GSK3B: variants seen among roughly 807,000 people sequenced by gnomAD.
GSK3B encodes glycogen synthase kinase-3 beta.
A neutral mutation model predicts 56.4 loss-of-function variants in GSK3B; 15 were observed. That is an observed-to-expected ratio of 0.27 (90% confidence interval 0.18 to 0.41). The LOEUF is 0.41. GSK3B is among the 10% of genes least tolerant of loss of function. The pLI is 1.00. For synonymous variants in GSK3B, 181 were observed against 188.9 expected, an observed-to-expected ratio of 0.96 and a Z score of 0.34; for missense variants, 300 against 513.4, an observed-to-expected ratio of 0.58 and a Z score of 4.02.
chr3:120,082,385 CT>C (rs1173737285), intron 1 of GSK3B, among the ~76,000 whole-genome samples: 164 of 66,368 alleles, frequency 2.5e-3, no homozygotes, highest in Non-Finnish European at 3.1e-3. Context: ...TTAGTATGTT[CT>C]TTTTTTTTTT....
intron 1 of GSK3B, among the ~76,000 whole-genome samples, chr3:120,087,408 T>C (rs1273842235): frequency 1.3e-5 from 2 of 152,056 alleles, no homozygotes. Context: ...GGCAGGCACC[T>C]GTAATCCCAA....
At chr3:119,868,883 A>T (rs1457747500) in intron 8 of GSK3B, among the ~76,000 whole-genome samples, 1 of 152,164 alleles carries the variant, frequency 6.6e-6, no homozygotes, top group Non-Finnish European at 1.5e-5. Context: ...ATTATATGCA[A>T]TTTGTAAACC....
At chr3:119,842,416 T>A (rs933538085) in intron 10 of GSK3B, among the ~76,000 whole-genome samples, 3 of 152,216 alleles carry the variant, frequency 2.0e-5, no homozygotes, top group Non-Finnish European at 4.4e-5. Flanking sequence ...ATTAAAAAAA[T>A]GATTAAATAT....
At chr3:119,914,518 C>A (rs538259577) in intron 5 of GSK3B, among the ~76,000 whole-genome samples, 1 of 152,054 alleles carries the variant, frequency 6.6e-6, no homozygotes, top group East Asian at 1.9e-4. Flanking sequence ...GTGAAGACAC[C>A]CCATTAACAA....
At chr3:119,843,921 G>T (rs1228431969) in intron 9 of GSK3B, among the ~76,000 whole-genome samples, 3 of 152,024 alleles carry the variant, frequency 2.0e-5, no homozygotes, top group African/African-American at 7.2e-5. Flanking sequence ...CACATAATTG[G>T]AAGTAAAACA....
intron 1 of GSK3B, among the ~76,000 whole-genome samples, chr3:120,044,559 G>A (rs187662790): frequency 1.1e-4 from 16 of 152,120 alleles, no homozygotes; most frequent in Admixed American, 6.5e-4. Context: ...TTATTTAGAC[G>A]CAATTGGAAT....
intron 1 of GSK3B, among the ~76,000 whole-genome samples, chr3:120,058,691 CAGGATTATTATGAGG>C (rs1261989981): frequency 6.6e-6 from 1 of 152,054 alleles, no homozygotes; most frequent in Non-Finnish European, 1.5e-5. Context: ...GCTTCTCCCT[CAGGATTATTATGAGG>C]ACTGTGTCAA....
intron 7 of GSK3B, among the ~76,000 whole-genome samples, chr3:119,898,356 G>T (rs2056591018): frequency 6.6e-6 from 1 of 152,082 alleles, no homozygotes; most frequent in Admixed American, 6.6e-5. Flanking sequence ...GCAAAGCAAA[G>T]GAATTGTGGG....
chr3:119,909,716 AG>A (rs2056717126), intron 6 of GSK3B, among the ~76,000 whole-genome samples: 1 of 152,246 alleles, frequency 6.6e-6, no homozygotes, highest in Non-Finnish European at 1.5e-5. Flanking sequence ...AGACTTGAGA[AG>A]GTCAATGATG....
chr3:120,057,120 G>T (rs2058197719), intron 1 of GSK3B, among the ~76,000 whole-genome samples: 1 of 152,076 alleles, frequency 6.6e-6, no homozygotes, highest in Non-Finnish European at 1.5e-5. Flanking sequence ...ACTCCCGCCT[G>T]GGCAACAGAG....
rs67194724 is a variant in GSK3B, at chr3:119,869,223, CAAAAAAA to C, written c.910-5625_910-5619del. ...TGGGCAACAGATCAAGATTCCATCT[CAAAAAAA>C]AAAAAAAAAAAAAAAACATATATTC... On this transcript the variant is annotated intron_variant, in intron 8 of 10. Transcript: ENST00000264235. 2.3e-3 allele frequency among the ~76,000 whole-genome samples: 126 copies of C among 54,846 alleles called. 1 individual carries two copies. The East Asian group carries it at 0.029, about 13-fold the overall frequency. The allele number at this position is 54,846 out of a possible 152,430, so 36.0% of individuals were successfully genotyped here.
chr3:120,085,242 A>G (rs2058454104), intron 1 of GSK3B, among the ~76,000 whole-genome samples: 1 of 152,238 alleles, frequency 6.6e-6, no homozygotes, highest in African/African-American at 2.4e-5. Context: ...TATGATATAC[A>G]GTACGTTGCT....
chr3:119,926,354 ACC>A lies in GSK3B; in HGVS notation c.367-2873_367-2872del, dbSNP rs975794952. Among the ~76,000 whole-genome samples the A allele has an allele frequency of 9.5e-3, 1,332 of 140,910 alleles. 18 individuals are homozygous for A. The highest frequency in any genetic ancestry group is 0.036 in the African/African-American group (1,239 of 34,472). 92.4% of individuals were successfully genotyped at this position (140,910 alleles called of 152,430 possible). A position where few individuals can be genotyped will look rare whatever the true frequency, so the allele number is the denominator to read the frequency against. On this transcript the variant is annotated intron_variant, in intron 3 of 10. Coordinates refer to ENST00000264235, the MANE Select transcript of GSK3B (RefSeq NM_001146156.2). Reference sequence around the variant, plus strand: ...CACACACACACACACACACACACACACCCCTATACCCACACATACACCCTCAT... The same window carrying A: ...CACACACACACACACACACACACACACCTATACCCACACATACACCCTCAT...
intron 1 of GSK3B, among the ~76,000 whole-genome samples, chr3:120,068,697 C>T (rs1169971889): frequency 6.6e-6 from 1 of 151,250 alleles, no homozygotes; most frequent in African/African-American, 2.4e-5. Flanking sequence ...GAGGCCCTGT[C>T]TCAAAAAATA....
At position 119,826,946 on chromosome 3, in the gene GSK3B, T is replaced by C. The variant is rs191874146; in HGVS notation, c.1196-91A>G. 1.6e-5 allele frequency: 12 copies of C among 764,078 alleles called. No individual in the cohort carries two copies. The East Asian group carries it at 3.0e-4, about 19-fold the overall frequency. The allele number at this position is 764,078 out of a possible 1,614,324, so 47.3% of individuals were successfully genotyped here. ...ACTGTTTCAACTGCAGGCTGTGAAC[T>C]GTATGGCCTTCCAAGCTGTTATTTG... On this transcript the variant is annotated intron_variant, in intron 10 of 10. Transcript: ENST00000264235.
At chr3:119,897,850 T>C (rs987734322) in intron 7 of GSK3B, among the ~76,000 whole-genome samples, 5 of 150,806 alleles carry the variant, frequency 3.3e-5, no homozygotes, top group African/African-American at 1.2e-4. Flanking sequence ...ATGAAAATGT[T>C]AAGTCAGGAA....
At chr3:119,834,404 T>TAA (rs1003370934) in intron 10 of GSK3B, among the ~76,000 whole-genome samples, 1 of 152,200 alleles carries the variant, frequency 6.6e-6, no homozygotes, top group Non-Finnish European at 1.5e-5. Context: ...CACAGAACAC[T>TAA]AAGGTAGCCT....
At chr3:119,865,468 T>TATA (rs1559814399) in intron 8 of GSK3B, among the ~76,000 whole-genome samples, 49 of 21,962 alleles carry the variant, frequency 2.2e-3, no homozygotes, top group South Asian at 6.7e-3. Context: ...ATATATATAT[T>TATA]TTTTTTTTTT....
intron 10 of GSK3B, among the ~76,000 whole-genome samples, chr3:119,833,687 G>GTTTTTTTTTTTTTTTTTTTTTTTTTT (rs1162358136): frequency 7.5e-6 from 1 of 133,448 alleles, no homozygotes; most frequent in African/African-American, 2.9e-5. Flanking sequence ...GAAACATTAG[G>GTTTTTTTTTTTTTTTTTTTTTTTTTT]TTGTTTTTTT....
Sources: allele counts gnomAD v4.1 joint callset (sites outside exome capture counted in the v4.1 genomes callset), GRCh38; gene constraint gnomAD v4.1.1; transcripts MANE v1.5; gene names NCBI Gene and HGNC (gene_info 2026-07-23, HGNC 2026-07-21).